Variants in SLC26A8 observed in about 807,000 individuals in gnomAD.
The protein encoded by SLC26A8 is testis anion transporter 1.
In SLC26A8, 70 loss-of-function variants were observed where a neutral mutation model predicts 105.0. That is an observed-to-expected ratio of 0.67 (90% CI 0.55 to 0.81). The LOEUF is 0.81. Ranked by LOEUF, SLC26A8 falls within the 40% of genes least tolerant of loss-of-function variation. The pLI is 0.00. For missense variants in SLC26A8, 998 were observed against 1,181.8 expected (o/e 0.84, Z 2.28); for synonymous variants, 415 against 438.3 (o/e 0.95, Z 0.66).
At chr6:36,023,968 A>G (rs1762193943) in intron 1 of SLC26A8, among the ~76,000 whole-genome samples, 1 of 152,084 alleles carries the variant, frequency 6.6e-6, no homozygotes, top group Non-Finnish European at 1.5e-5. Flanking sequence ...GGATAGAGTA[A>G]CATGGTGTGT....
At chr6:35,983,688 A>T (rs1773372006) in intron 7 of SLC26A8, among the ~76,000 whole-genome samples, 1 of 152,034 alleles carries the variant, frequency 6.6e-6, no homozygotes, top group South Asian at 2.1e-4. Flanking sequence ...AGTAGCTGGG[A>T]TTACAGGCGT....
rs1243635997 is a variant in SLC26A8 at position 35,969,364 on chromosome 6, C to T, written c.1288-410G>A. On this transcript the variant is annotated intron_variant, in intron 10 of 19. Transcript: ENST00000490799. Reference sequence around the variant, plus strand: ...CCTGTAATCCTAGCACATTGGGAGGCTGAGGCCGGCAGATCACAAGGTCAA... The same window carrying T: ...CCTGTAATCCTAGCACATTGGGAGGTTGAGGCCGGCAGATCACAAGGTCAA... 7 of 168,012 alleles carry T rather than the reference C, an allele frequency of 4.2e-5. No individual in the cohort carries two copies. In the East Asian group the frequency reaches 1.2e-3, roughly 29 times the overall value. The allele number at this position is 168,012 out of a possible 1,614,324, so 10.4% of individuals were successfully genotyped here.
rs1225830992 is a variant in SLC26A8, at chr6:36,019,657, C to G, written c.51G>C (p.Arg17Ser). The part of the protein sequence containing the change: ...SAISGFSSKS[R>S]RNSFAYDVKR... Reference sequence around the variant, plus strand: ...TAACATCATATGCGAATGAGTTTCGCCTGGACTTAGAGCTGAAGCCAGAGA... The same window carrying G: ...TAACATCATATGCGAATGAGTTTCGGCTGGACTTAGAGCTGAAGCCAGAGA... Residue 17 changes from arginine (R) to serine (S), a missense_variant, in exon 2 of 20, where the codon AGG (arginine) becomes AGC (serine). By Grantham distance (110) the Arg-to-Ser change is moderately radical (BLOSUM62 -1). Transcript: ENST00000490799. 9 of 1,613,978 alleles carry G rather than the reference C, an allele frequency of 5.6e-6. No homozygotes were observed. Among genetic ancestry groups the G allele is most frequent in the Middle Eastern group, 1.6e-4 (1 of 6,084 alleles).
At chr6:35,975,149 T>C (rs1004840018) in intron 10 of SLC26A8, among the ~76,000 whole-genome samples, 6 of 152,164 alleles carry the variant, frequency 3.9e-5, no homozygotes, top group Admixed American at 3.9e-4. Flanking sequence ...CATATTTCTG[T>C]AGAAAATGGC....
In SLC26A8 at chr6:35,957,193, G is replaced by A. The variant is rs535284920; in HGVS notation, c.1864-1673C>T. On this transcript the variant is annotated intron_variant, in intron 16 of 19. Coordinates refer to ENST00000490799, the MANE Select transcript of SLC26A8 (RefSeq NM_052961.4). ...GCCAAGGTCGCACCATCCCACTCCA[G>A]CCCCGGTAACAAGAGTGAAACTCCG... 2.0e-5 allele frequency among the ~76,000 whole-genome samples: 3 copies of A among 152,238 alleles called. 1 individual carries two copies. In the South Asian group the frequency reaches 6.2e-4, roughly 32 times the overall value.
chr6:35,982,992 T>A (rs1018932417), intron 7 of SLC26A8, among the ~76,000 whole-genome samples: 1 of 152,224 alleles, frequency 6.6e-6, no homozygotes, highest in Non-Finnish European at 1.5e-5. Context: ...ACTGCGTCAA[T>A]GCAGATTAAA....
intron 7 of SLC26A8, among the ~76,000 whole-genome samples, chr6:35,986,420 T>G (rs917482696): frequency 1.1e-4 from 16 of 152,240 alleles, no homozygotes; most frequent in African/African-American, 3.6e-4. Context: ...CTGTAGTTAC[T>G]ATATTGTACA....
chr6:35,953,578 G>A (rs1771952379), intron 17 of SLC26A8, among the ~76,000 whole-genome samples: 1 of 152,198 alleles, frequency 6.6e-6, no homozygotes, highest in African/African-American at 2.4e-5. Flanking sequence ...TACAGCCCAG[G>A]ACCAGGAGGG....
chr6:36,019,137 G>T (rs1179680099), intron 2 of SLC26A8, among the ~76,000 whole-genome samples: 3 of 152,116 alleles, frequency 2.0e-5, no homozygotes, highest in Non-Finnish European at 4.4e-5. Flanking sequence ...TGTTGCCCAG[G>T]TTGGTCTCAA....
chr6:35,954,573 AGT>A (rs1562018454), intron 17 of SLC26A8, among the ~76,000 whole-genome samples: 1 of 152,114 alleles, frequency 6.6e-6, no homozygotes, highest in Non-Finnish European at 1.5e-5. Context: ...TGAAGTTCAG[AGT>A]GTCCTGTTTT....
intron 3 of SLC26A8, among the ~76,000 whole-genome samples, chr6:36,010,528 T>C (rs1761825411): frequency 6.6e-6 from 1 of 150,382 alleles, no homozygotes; most frequent in Admixed American, 6.6e-5. Flanking sequence ...CAAATCTATA[T>C]ATGTATTCTT....
chr6:35,971,755 A>AT (rs1404079910), intron 10 of SLC26A8, among the ~76,000 whole-genome samples: 14 of 152,328 alleles, frequency 9.2e-5, no homozygotes, highest in African/African-American at 3.4e-4. Flanking sequence ...CCACGGCCCC[A>AT]TTGACTTCCT....
chr6:36,017,224 A>C (rs565211188), intron 2 of SLC26A8, among the ~76,000 whole-genome samples: 1 of 151,560 alleles, frequency 6.6e-6, no homozygotes, highest in African/African-American at 2.4e-5. Flanking sequence ...AAAGAAAAGA[A>C]AAGAAAAGAT....
At chr6:35,978,214 T>A (rs977250367) in intron 8 of SLC26A8, among the ~76,000 whole-genome samples, 2 of 150,728 alleles carry the variant, frequency 1.3e-5, no homozygotes, top group African/African-American at 4.9e-5. Flanking sequence ...ATTCTTATCA[T>A]TTTAGAAAGT....
At position 35,986,458 on chromosome 6, in the gene SLC26A8, T is replaced by C. The variant is rs536118259; in HGVS notation, c.943-4255A>G. 2.0e-5 allele frequency among the ~76,000 whole-genome samples: 3 copies of C among 152,324 alleles called. No individual in the cohort carries two copies. The East Asian group carries it at 5.8e-4, about 29-fold the overall frequency. ...AGATCTCTTGAAATTATTCCTCTTATCAAATTGAAATTTTGTATCCTTTGG... is the reference window on the plus strand; with the variant it reads ...AGATCTCTTGAAATTATTCCTCTTACCAAATTGAAATTTTGTATCCTTTGG... On this transcript the variant is annotated intron_variant, in intron 7 of 19. Transcript: ENST00000490799.
At chr6:35,951,084 G>C in intron 19 of SLC26A8, 79 bp downstream of exon 19, 2 of 1,285,982 alleles carry the variant, frequency 1.6e-6, no homozygotes, top group South Asian at 1.3e-5. Flanking sequence ...CTGACTCCCA[G>C]CCCCCAACCA....
chr6:35,973,622 C>A (rs1362657101), intron 10 of SLC26A8, among the ~76,000 whole-genome samples: 3 of 152,022 alleles, frequency 2.0e-5, no homozygotes, highest in Non-Finnish European at 2.9e-5. Context: ...GACAATTCTC[C>A]TTCTTCCAGT....
At position 35,975,389 on chromosome 6, in the gene SLC26A8, C is replaced by T. The variant is rs765425794; in HGVS notation, c.1273G>A (p.Gly425Arg). Residue 425 changes from glycine to arginine, a missense_variant, in exon 10 of 20, where the codon GGA (glycine) becomes AGA (arginine). Transcript: ENST00000490799. Reference sequence around the variant, plus strand: ...TTTCAACATACCTGTTGTCTTCCTCCAGATTTATCCTGGATAATAGTCCTA... The same window carrying T: ...TTTCAACATACCTGTTGTCTTCCTCTAGATTTATCCTGGATAATAGTCCTA... ...IARTIIQDKSGGRQQFASLVG... is the reference protein window; with the variant it reads ...IARTIIQDKSRGRQQFASLVG... The T allele has an allele frequency of 3.2e-5, 51 of 1,602,454 alleles. No individual in the cohort carries two copies. In the Admixed American group the frequency reaches 3.6e-4, roughly 11 times the overall value.
At chr6:36,016,951 C>A (rs1269541254) in intron 2 of SLC26A8, among the ~76,000 whole-genome samples, 3 of 152,076 alleles carry the variant, frequency 2.0e-5, no homozygotes, top group African/African-American at 7.2e-5. Flanking sequence ...GCAAGCGGAT[C>A]ACTTGAGGTC....
Sources: gnomAD v4.1 joint callset for allele counts (sites outside exome capture counted in the v4.1 genomes callset) on GRCh38, gnomAD v4.1.1 for gene constraint, MANE v1.5 for transcripts, NCBI Gene and HGNC (gene_info 2026-07-23, HGNC 2026-07-21) for gene names.